The following D2HGDH variants were observed in gnomAD, a reference collection of about 807,000 sequenced individuals.
D2HGDH encodes D-2-hydroxyglutarate dehydrogenase, mitochondrial.
In D2HGDH, 31 loss-of-function variants were observed where a neutral mutation model predicts 46.9. The ratio of observed to expected loss-of-function variants is 0.66; its 90% CI spans 0.50 to 0.89. D2HGDH has a LOEUF of 0.89. Ranked by LOEUF, D2HGDH falls within the 40% of genes least tolerant of loss-of-function variation. D2HGDH has a pLI of 0.00. For missense variants in D2HGDH, 698 were observed against 720.8 expected (o/e 0.97, Z 0.36); for synonymous variants, 364 against 332.6 (o/e 1.09, Z -1.03).
chr2:241,751,429 T>A (rs1371656592), intron 8 of D2HGDH, 41 bp downstream of exon 8: 1 of 1,609,934 alleles, frequency 6.2e-7, no homozygotes, highest in Non-Finnish European at 8.5e-7. Flanking sequence ...TCTCTGTCCG[T>A]CCAGTCCAGC....
rs752592268 is a variant in D2HGDH at position 241,755,787 on chromosome 2, C to CT, written c.1141-62_1141-61insT. On this transcript the variant is annotated intron_variant, in intron 8 of 9. Coordinates refer to ENST00000321264, the MANE Select transcript of D2HGDH (RefSeq NM_152783.5). ...TGCTGCCCTAACCCCGTGTGGTGTG[C>CT]CCCCTGTCCCCGGGTGTCGTTCCCA... The CT allele has an allele frequency of 3.1e-5, 50 of 1,610,754 alleles. 1 individual carries two copies. The highest frequency in any genetic ancestry group is 2.2e-4 in the East Asian group (10 of 44,804).
At chr2:241,760,157 G>A (rs1575329943) in intron 9 of D2HGDH, among the ~76,000 whole-genome samples, 5 of 97,700 alleles carry the variant, frequency 5.1e-5, no homozygotes, top group African/African-American at 1.6e-4. Flanking sequence ...CCAATCAGTC[G>A]AAGGCCTTTG....
At chr2:241,756,170 G>A (rs914006065) in intron 9 of D2HGDH, among the ~76,000 whole-genome samples, 156 bp downstream of exon 9, 3 of 152,256 alleles carry the variant, frequency 2.0e-5, no homozygotes, top group Non-Finnish European at 2.9e-5. Context: ...TGTCTGACAG[G>A]GAAGGGAAAA....
intron 6 of D2HGDH, chr2:241,748,853 C>T (rs1392367179): frequency 3.9e-6 from 5 of 1,278,850 alleles, no homozygotes; most frequent in Non-Finnish European, 5.1e-6. Flanking sequence ...TCTGATCCCA[C>T]TCCAACTGCA....
chr2:241,767,995 C>A lies in D2HGDH; in HGVS notation c.*26C>A. 1 of 1,569,180 alleles carries A rather than the reference C, an allele frequency of 6.4e-7. No individual in the cohort carries two copies. The highest frequency in any genetic ancestry group is 8.6e-7 in the Non-Finnish European group (1 of 1,162,774). On this transcript the variant is annotated 3_prime_UTR_variant, in exon 10 of 10. Coordinates refer to ENST00000321264, the MANE Select transcript of D2HGDH (RefSeq NM_152783.5). ...CGGCCACTCCTGCTGCTGCCAAGGC[C>A]CACTGGGGGTCGGCGGGTGGCTCTC...
At position 241,767,789 on chromosome 2, in the gene D2HGDH, C is replaced by G; in HGVS notation, c.1386C>G (p.Tyr462Ter). The change falls in exon 10 of 10, where the codon TAC becomes TAG. Residue 462 changes from tyrosine (Y) to a stop codon, truncating the protein, a stop_gained. Transcript: ENST00000321264. LOFTEE classifies it high-confidence loss of function. ...SLLAALEPHV[Y>*]EWTAGQQGSV... The stretch of plus-strand genomic sequence containing the variant: ...TGGCTGCCCTGGAGCCCCACGTGTA[C>G]GAGTGGACGGCCGGGCAGCAGGGCA... 2 of 1,612,304 alleles carry G rather than the reference C, an allele frequency of 1.2e-6. No homozygotes were observed. The highest frequency in any genetic ancestry group is 1.7e-6 in the Non-Finnish European group (2 of 1,179,502).
chr2:241,741,193 G>A (rs113667013), intron 3 of D2HGDH, 103 bp downstream of exon 3: 122 of 1,054,268 alleles, frequency 1.2e-4, no homozygotes, highest in African/African-American at 9.0e-4. Flanking sequence ...GAAGCCAGCC[G>A]ATGACATCTT....
chr2:241,735,421 A>G lies in D2HGDH; in HGVS notation c.197A>G (p.Asp66Gly). The part of the protein sequence containing the change: ...RLPFSTVSKQ[D>G]LAAFERIVPG... ...CCGTTCTCCACGGTGTCTAAGCAGG[A>G]CCTGGCCGCCTTTGAGCGCATCGTG... The change falls in exon 2 of 10, where the codon GAC becomes GGC. Residue 66 changes from aspartate to glycine, a missense_variant. Asp to Gly is a moderately conservative substitution (Grantham distance 94, BLOSUM62 -1). Transcript: ENST00000321264. 6.2e-7 allele frequency: 1 copy of G among 1,607,296 alleles called. No individual in the cohort carries two copies. The highest frequency in any genetic ancestry group is 1.7e-5 in the Admixed American group (1 of 59,242).
At chr2:241,735,543 G>C in intron 2 of D2HGDH, 27 bp downstream of exon 2, 1 of 1,600,268 alleles carries the variant, frequency 6.2e-7, no homozygotes. Context: ...AAGCTGCGGC[G>C]TTTCCGCGTC....
At chr2:241,763,745 T>C (rs933420252) in intron 9 of D2HGDH, among the ~76,000 whole-genome samples, 2 of 152,178 alleles carry the variant, frequency 1.3e-5, no homozygotes, top group Non-Finnish European at 2.9e-5. Context: ...ACATACTTTG[T>C]GGACGCCAGG....
In D2HGDH at chr2:241,767,856, G is replaced by A. The variant is rs375162898; in HGVS notation, c.1453G>A (p.Val485Ile). Residue 485 changes from valine to isoleucine, a missense_variant, in exon 10 of 10, where the codon GTC becomes ATC. By Grantham distance (29) the Val-to-Ile change is conservative (BLOSUM62 3). Coordinates refer to ENST00000321264, the MANE Select transcript of D2HGDH (RefSeq NM_152783.5). Reference sequence around the variant, plus strand: ...CGGAGTGGGCTTCAGGAAGAGGGACGTCCTGGGCTACAGCAAGCCACCGGG... The same window carrying A: ...CGGAGTGGGCTTCAGGAAGAGGGACATCCTGGGCTACAGCAAGCCACCGGG... ...EHGVGFRKRD[V>I]LGYSKPPGAL... The A allele has an allele frequency of 5.0e-5, 81 of 1,611,314 alleles. 1 individual carries two copies. The highest frequency in any genetic ancestry group is 3.8e-4 in the East Asian group (17 of 44,810).
chr2:241,763,073 C>G (rs1043385820), intron 9 of D2HGDH, among the ~76,000 whole-genome samples: 1 of 152,216 alleles, frequency 6.6e-6, no homozygotes, highest in Admixed American at 6.5e-5. Flanking sequence ...CGCCCGGAAC[C>G]TCTTTAATCT....
At position 241,743,297 on chromosome 2, in the gene D2HGDH, C is replaced by T. The variant is rs1468717705; in HGVS notation, c.491-325C>T. On this transcript the variant is annotated intron_variant, in intron 4 of 9. Transcript: ENST00000321264. The surrounding 1 kb of genome is among the most constrained non-coding windows in gnomAD (Gnocchi z 4.8). ...GGCACCCCCAACCCAGGCATTGTCC[C>T]ACATGCCCAGGGCAGGATCAGCCCC... is the stretch of plus-strand genomic sequence containing the variant. Among the ~76,000 whole-genome samples, 1 of 152,234 alleles carries T rather than the reference C, an allele frequency of 6.6e-6. No individual in the cohort carries two copies. Among genetic ancestry groups the T allele is most frequent in the Non-Finnish European group, 1.5e-5 (1 of 68,036 alleles).
At position 241,743,942 on chromosome 2, in the gene D2HGDH, G is replaced by A; in HGVS notation, c.684+127G>A. 9.4e-7 allele frequency: 1 copy of A among 1,063,194 alleles called. No homozygotes were observed. The highest frequency in any genetic ancestry group is 1.4e-6 in the Non-Finnish European group (1 of 730,684). 65.9% of individuals were successfully genotyped at this position (1,063,194 alleles called of 1,614,324 possible). ...TGGGAGGTCTTGGTTCCTGGCCCTG[G>A]GCCCCTCAAGGATGTGTGGGCTACA... On this transcript the variant is annotated intron_variant, in intron 5 of 9. Coordinates refer to ENST00000321264, the MANE Select transcript of D2HGDH (RefSeq NM_152783.5). This position sits in a 1 kb window ranked among gnomAD's most constrained non-coding sequence, Gnocchi z 4.8.
chr2:241,747,495 C>T lies in D2HGDH; in HGVS notation c.853+2618C>T, dbSNP rs140756493. Among the ~76,000 whole-genome samples the T allele has an allele frequency of 8.9e-3, 1,340 of 150,348 alleles. 14 individuals are homozygous for T. The highest frequency in any genetic ancestry group is 0.03 in the African/African-American group (1,214 of 40,878). On this transcript the variant is annotated intron_variant, in intron 6 of 9. Transcript: ENST00000321264. ...TCTGTGAAACTCCCAGGTAGCAAGTCAGTGTAGGGCTGTGTCGGGCTGATC... is the reference window on the plus strand; with the variant it reads ...TCTGTGAAACTCCCAGGTAGCAAGTTAGTGTAGGGCTGTGTCGGGCTGATC...
In D2HGDH at chr2:241,767,878, C is replaced by G. The variant is rs377682185; in HGVS notation, c.1475C>G (p.Pro492Arg). The G allele has an allele frequency of 5.6e-6, 9 of 1,608,818 alleles. No individual in the cohort carries two copies. In the East Asian group the frequency reaches 1.1e-4, roughly 20 times the overall value. The change falls in exon 10 of 10, where the codon CCG (proline) becomes CGG (arginine). Residue 492 changes from proline (P) to arginine (R), a missense_variant. Pro to Arg is a moderately radical substitution (Grantham distance 103). Transcript: ENST00000321264. ...KRDVLGYSKPPGALQLMQQLK... is the reference protein window; with the variant it reads ...KRDVLGYSKPRGALQLMQQLK... ...GACGTCCTGGGCTACAGCAAGCCACCGGGGGCCCTGCAGCTCATGCAGCAG... is the reference window on the plus strand; with the variant it reads ...GACGTCCTGGGCTACAGCAAGCCACGGGGGGCCCTGCAGCTCATGCAGCAG...
chr2:241,760,034 A>G (rs1039227334), intron 9 of D2HGDH, among the ~76,000 whole-genome samples: 8 of 150,900 alleles, frequency 5.3e-5, no homozygotes, highest in Admixed American at 3.9e-4. Flanking sequence ...AATCAGTCGA[A>G]GGACTTCGCC....
At position 241,737,070 on chromosome 2, in the gene D2HGDH, G is replaced by A. The variant is rs1043690644; in HGVS notation, c.292+1554G>A. 6.9e-4 allele frequency among the ~76,000 whole-genome samples: 104 copies of A among 150,444 alleles called. No individual in the cohort carries two copies. In the Middle Eastern group the frequency reaches 0.011, roughly 16 times the overall value. ...TGCAAGCTCCGCCTCCTGGCTTCAC[G>A]CCATTCTCCTGCCTCCGCCTCCCGA... On this transcript the variant is annotated intron_variant, in intron 2 of 9. Coordinates refer to ENST00000321264, the MANE Select transcript of D2HGDH (RefSeq NM_152783.5).
chr2:241,744,141 C>T lies in D2HGDH; in HGVS notation c.684+326C>T, dbSNP rs868197455. ...AGGAAGGCTCATCCAGGGTCAGCTT[C>T]GTGACCTTCTGCTGCCCACTGTTCC... On this transcript the variant is annotated intron_variant, in intron 5 of 9. Coordinates refer to ENST00000321264, the MANE Select transcript of D2HGDH (RefSeq NM_152783.5). Among the ~76,000 whole-genome samples, 19 of 152,190 alleles carry T rather than the reference C, an allele frequency of 1.2e-4. 1 individual carries two copies. The highest frequency in any genetic ancestry group is 4.1e-4 in the South Asian group (2 of 4,824).
Sources: allele counts gnomAD v4.1 joint callset (sites outside exome capture counted in the v4.1 genomes callset), GRCh38; gene constraint gnomAD v4.1.1; non-coding constraint Gnocchi (gnomAD v3.1); transcripts MANE v1.5; gene names NCBI Gene and HGNC (gene_info 2026-07-23, HGNC 2026-07-21).